Variants in MTSS1 observed in about 807,000 individuals in gnomAD.
The protein encoded by MTSS1 is MTSS I-BAR domain containing 1.
Under a neutral mutation model 79.0 loss-of-function variants are expected in MTSS1, and 18 were observed. That is an observed-to-expected ratio of 0.23 (90% CI 0.16 to 0.34). The LOEUF is 0.34. Ranked by LOEUF, MTSS1 falls within the 10% of genes least tolerant of loss-of-function variation. The probability of loss-of-function intolerance (pLI) is 1.00; values close to 1 mark genes in which losing one functional copy is unlikely to be tolerated. For missense variants in MTSS1, 815 were observed against 986.2 expected (o/e 0.83, Z 2.33); for synonymous variants, 341 against 368.6 (o/e 0.93, Z 0.86).
chr8:124,568,838 C>CT (rs1265206320), intron 6 of MTSS1: 1 of 1,438,028 alleles, frequency 7.0e-7, no homozygotes, highest in Admixed American at 2.8e-5. Flanking sequence ...TCTGCCAACA[C>CT]AACCCTGGAA....
intron 3 of MTSS1, among the ~76,000 whole-genome samples, chr8:124,656,817 A>G (rs930147818): frequency 2.7e-5 from 4 of 149,920 alleles, no homozygotes; most frequent in Admixed American, 2.0e-4. Flanking sequence ...GAAAAAAAGG[A>G]AAAAAAAATG....
intron 2 of MTSS1, among the ~76,000 whole-genome samples, chr8:124,700,168 T>TAC (rs147495555): frequency 0.075 from 11,331 of 151,722 alleles, 579 homozygotes; most frequent in Non-Finnish European, 0.11. Flanking sequence ...AAACACCTAC[T>TAC]ACCAGGCAAA....
At position 124,674,030 on chromosome 8, in the gene MTSS1, A is replaced by C. The variant is rs1322944322; in HGVS notation, c.208+25496T>G. Among the ~76,000 whole-genome samples, 6 of 152,308 alleles carry C rather than the reference A, an allele frequency of 3.9e-5. No individual in the cohort carries two copies. In the East Asian group the frequency reaches 9.6e-4, roughly 24 times the overall value. ...CAGGGTGGAAGGGGCTCCAAACCAC[A>C]TCTCACCCGGTCACCTCGGAGGGCA... On this transcript the variant is annotated intron_variant, in intron 3 of 13. Transcript: ENST00000518547.
chr8:124,663,119 A>C (rs1438458595), intron 3 of MTSS1, among the ~76,000 whole-genome samples: 36 of 152,306 alleles, frequency 2.4e-4, no homozygotes, highest in Non-Finnish European at 1.3e-4. Context: ...CGAAATGGGC[A>C]ACTTGTACTT....
At chr8:124,558,848 G>A (rs1293037984) in intron 10 of MTSS1, 1 of 1,541,742 alleles carries the variant, frequency 6.5e-7, no homozygotes, top group Non-Finnish European at 8.7e-7. Flanking sequence ...GCAGGGGAGG[G>A]GCCACACGAG....
chr8:124,601,391 G>T (rs1387963115), intron 3 of MTSS1, among the ~76,000 whole-genome samples: 1 of 152,092 alleles, frequency 6.6e-6, no homozygotes, highest in Non-Finnish European at 1.5e-5. Flanking sequence ...ATATTTCAGA[G>T]CTCACAACAG....
Position 124,565,787 on chromosome 8 carries a change from T to C in MTSS1, c.727-28A>G, listed in dbSNP as rs748759704. ...AAGGGGACAGAGCCAGCTGGGTGAATGAGGTGCTGAGAGGGGAAGCGTTAG... is the reference window on the plus strand; with the variant it reads ...AAGGGGACAGAGCCAGCTGGGTGAACGAGGTGCTGAGAGGGGAAGCGTTAG... On this transcript the variant is annotated intron_variant, in intron 8 of 13. Transcript: ENST00000518547. The C allele has an allele frequency of 9.0e-6, 14 of 1,559,006 alleles. No homozygotes were observed. The East Asian group carries it at 2.9e-4, about 32-fold the overall frequency.
chr8:124,565,863 G>A, intron 8 of MTSS1, 104 bp from the exon 9 acceptor site: 1 of 952,316 alleles, frequency 1.1e-6, no homozygotes, highest in Non-Finnish European at 1.6e-6. Flanking sequence ...CATCGTGGGG[G>A]TGGGAATGAA....
rs558936407 is a variant in MTSS1, at chr8:124,616,079, T to A, written c.209-24844A>T. On this transcript the variant is annotated intron_variant, in intron 3 of 13. Transcript: ENST00000518547. ...GCTCTGGGCCACCTCCGCCTCCAACTGAACCAAGAGTGCAAGTTCATGATG... is the reference window on the plus strand; with the variant it reads ...GCTCTGGGCCACCTCCGCCTCCAACAGAACCAAGAGTGCAAGTTCATGATG... 2.0e-5 allele frequency among the ~76,000 whole-genome samples: 3 copies of A among 152,326 alleles called. No homozygotes were observed. In the South Asian group the frequency reaches 6.2e-4, roughly 32 times the overall value.
intron 3 of MTSS1, among the ~76,000 whole-genome samples, chr8:124,607,774 A>C (rs1210272378): frequency 6.6e-6 from 1 of 152,242 alleles, no homozygotes; most frequent in African/African-American, 2.4e-5. Context: ...TTTACTGCTC[A>C]GGCTAACTTA....
intron 3 of MTSS1, among the ~76,000 whole-genome samples, chr8:124,665,589 C>T (rs1236808395): frequency 6.6e-6 from 1 of 152,200 alleles, no homozygotes; most frequent in African/African-American, 2.4e-5. Flanking sequence ...CCCCCAAGGC[C>T]GGGCACAGTG....
At chr8:124,569,467 A>C (rs1827272112) in intron 6 of MTSS1, among the ~76,000 whole-genome samples, 1 of 152,218 alleles carries the variant, frequency 6.6e-6, no homozygotes, top group African/African-American at 2.4e-5. Flanking sequence ...GCTGCCCTAA[A>C]AGATAAACAT....
chr8:124,673,514 G>A (rs1824683440), intron 3 of MTSS1: 1 of 152,210 alleles, frequency 6.6e-6, no homozygotes, highest in Non-Finnish European at 1.5e-5. Context: ...CCAAAACCCT[G>A]CGTGAAAGTC....
intron 12 of MTSS1, 116 bp from the exon 13 acceptor site, chr8:124,556,020 T>C (rs1254628447): frequency 1.3e-6 from 2 of 1,545,782 alleles, no homozygotes; most frequent in South Asian, 1.2e-5. Context: ...ATTGACTTGC[T>C]TGGGTCCCAC....
At chr8:124,720,970 T>C (rs1183337956) in intron 1 of MTSS1, among the ~76,000 whole-genome samples, 6 of 152,170 alleles carry the variant, frequency 3.9e-5, no homozygotes, top group African/African-American at 1.4e-4. Context: ...AACTCGCCCA[T>C]GGGATTTGAG....
rs183765450 is a variant in MTSS1 at position 124,665,594 on chromosome 8, A to C, written c.208+33932T>G. 2.6e-4 allele frequency among the ~76,000 whole-genome samples: 39 copies of C among 152,012 alleles called. No homozygotes were observed. In the East Asian group the frequency reaches 6.6e-3, roughly 26 times the overall value. ...AAAAATCTGGCCCCCAAGGCCGGGC[A>C]CAGTGGCTCATGCCTGTAATCCCAG... On this transcript the variant is annotated intron_variant, in intron 3 of 13. Coordinates refer to ENST00000518547, the MANE Select transcript of MTSS1 (RefSeq NM_014751.6).
At chr8:124,706,135 A>G (rs146605175) in intron 1 of MTSS1, among the ~76,000 whole-genome samples, 1 of 152,384 alleles carries the variant, frequency 6.6e-6, no homozygotes, top group East Asian at 1.9e-4. Flanking sequence ...AGCACTCATT[A>G]TAACAAGGAA....
intron 3 of MTSS1, among the ~76,000 whole-genome samples, chr8:124,632,298 A>C: frequency 6.7e-6 from 1 of 149,354 alleles, no homozygotes. Context: ...AAAAAAAAAA[A>C]GGTAAGGAAC....
At chr8:124,604,595 GT>G (rs148678541) in intron 3 of MTSS1, among the ~76,000 whole-genome samples, 24 of 150,178 alleles carry the variant, frequency 1.6e-4, no homozygotes, top group African/African-American at 4.9e-4. Flanking sequence ...TTCCTGTGTG[GT>G]TTTTTTTTTA....
Sources: gnomAD v4.1 joint callset for allele counts (sites outside exome capture counted in the v4.1 genomes callset) on GRCh38, gnomAD v4.1.1 for gene constraint, MANE v1.5 for transcripts, NCBI Gene and HGNC (gene_info 2026-07-23, HGNC 2026-07-21) for gene names.